Variants in NCAM2 observed in about 807,000 individuals in gnomAD.
The protein encoded by NCAM2 is neural cell adhesion molecule 2, also known as N-CAM-2.
NCAM2 carries 30 observed loss-of-function variants against 98.1 expected under a neutral mutation model. The ratio of observed to expected loss-of-function variants is 0.31; its 90% confidence interval spans 0.23 to 0.41. The LOEUF (loss-of-function observed/expected upper bound fraction) is 0.41. Ranked by LOEUF, NCAM2 falls within the 10% of genes least tolerant of loss-of-function variation. NCAM2 has a pLI of 1.00. For missense variants in NCAM2, 867 were observed against 1,005.8 expected (o/e 0.86, Z 1.87); for synonymous variants, 368 against 342.4 (o/e 1.07, Z -0.83).
At chr21:21,188,965 G>T (rs191406253) in intron 1 of NCAM2, among the ~76,000 whole-genome samples, 1 of 152,154 alleles carries the variant, frequency 6.6e-6, no homozygotes, top group Admixed American at 6.5e-5. Context: ...ATTAAATGGG[G>T]CAGGTGTCTT....
chr21:21,523,287 C>T (rs1452077115), intron 16 of NCAM2, among the ~76,000 whole-genome samples: 2 of 151,906 alleles, frequency 1.3e-5, no homozygotes, highest in Non-Finnish European at 2.9e-5. Flanking sequence ...TGAAGAATTT[C>T]CCCAACTTTT....
chr21:21,280,557 T>C (rs756295517), intron 1 of NCAM2, 21 bp from the exon 2 acceptor site: 2 of 1,548,036 alleles, frequency 1.3e-6, no homozygotes, highest in East Asian at 4.5e-5. Flanking sequence ...CACCATTAAT[T>C]GTTTCCCAAT....
chr21:21,438,421 C>G (rs1978712404), intron 12 of NCAM2, among the ~76,000 whole-genome samples: 1 of 152,124 alleles, frequency 6.6e-6, no homozygotes. Context: ...CAATGGAAGC[C>G]AGGCCTATTA....
intron 12 of NCAM2, among the ~76,000 whole-genome samples, chr21:21,437,296 T>G (rs574603071): frequency 5.8e-4 from 88 of 152,208 alleles, no homozygotes; most frequent in African/African-American, 2.0e-3. Flanking sequence ...CCAGAAGACT[T>G]TACTGTAATT....
At chr21:21,166,173 G>A (rs370782504) in intron 1 of NCAM2, among the ~76,000 whole-genome samples, 3 of 152,122 alleles carry the variant, frequency 2.0e-5, no homozygotes, top group African/African-American at 7.2e-5. Context: ...AACCTGGAGC[G>A]CCTTTAAGCA....
At chr21:21,050,774 T>TGATTATAAGATATAA (rs2065092941) in intron 1 of NCAM2, among the ~76,000 whole-genome samples, 1 of 152,184 alleles carries the variant, frequency 6.6e-6, no homozygotes, top group Non-Finnish European at 1.5e-5. Flanking sequence ...TACGCCTGCG[T>TGATTATAAGATATAA]GATTATAAGA....
chr21:21,440,237 C>T (rs1277284297), intron 12 of NCAM2, among the ~76,000 whole-genome samples: 1 of 152,110 alleles, frequency 6.6e-6, no homozygotes, highest in African/African-American at 2.4e-5. Context: ...TATTCAGACA[C>T]CCTTCACCCA....
intron 12 of NCAM2, among the ~76,000 whole-genome samples, 184 bp from the exon 13 acceptor site, chr21:21,466,422 C>A (rs1359990093): frequency 2.0e-5 from 3 of 151,904 alleles, no homozygotes; most frequent in Non-Finnish European, 2.9e-5. Context: ...AAGAAGAGAA[C>A]TATTCACAAA....
intron 1 of NCAM2, among the ~76,000 whole-genome samples, chr21:21,015,676 G>T (rs2064292911): frequency 1.3e-5 from 2 of 151,920 alleles, no homozygotes; most frequent in South Asian, 4.1e-4. Context: ...TCCAAGGTAT[G>T]CCTGTATTTC....
chr21:21,371,241 C>T (rs1007893493), intron 8 of NCAM2, among the ~76,000 whole-genome samples: 3 of 151,806 alleles, frequency 2.0e-5, no homozygotes, highest in African/African-American at 7.3e-5. Flanking sequence ...TACATTAAAA[C>T]AGTTTTGAGA....
intron 1 of NCAM2, among the ~76,000 whole-genome samples, chr21:21,039,918 G>C (rs2064870016): frequency 1.3e-5 from 2 of 152,154 alleles, no homozygotes; most frequent in South Asian, 2.1e-4. Context: ...AAACAGTTAG[G>C]AGTGTTTTTT....
intron 1 of NCAM2, among the ~76,000 whole-genome samples, chr21:21,231,446 T>C (rs1294192244): frequency 1.3e-5 from 2 of 151,276 alleles, no homozygotes; most frequent in African/African-American, 4.8e-5. Flanking sequence ...AAATTAAATA[T>C]AACTGCCAAA....
At chr21:21,363,496 AT>A (rs1417414991) in intron 8 of NCAM2, among the ~76,000 whole-genome samples, 1 of 152,110 alleles carries the variant, frequency 6.6e-6, no homozygotes, top group Non-Finnish European at 1.5e-5. Context: ...GTTTCTCATC[AT>A]TTTTATATCT....
intron 16 of NCAM2, among the ~76,000 whole-genome samples, chr21:21,511,654 T>C (rs1237203577): frequency 6.6e-6 from 1 of 152,008 alleles, no homozygotes; most frequent in African/African-American, 2.4e-5. Context: ...TTTTAGTTTT[T>C]TGAGGAAGCT....
Position 21,439,503 on chromosome 21 carries a change from TATTTC to T in NCAM2, c.1654+7224_1654+7228del, listed in dbSNP as rs1462090923. On this transcript the variant is annotated intron_variant, in intron 12 of 17. Coordinates refer to ENST00000400546, the MANE Select transcript of NCAM2 (RefSeq NM_004540.5). ...AAAAAATATTTGTGGTAGAGAAACT[TATTTC>T]AGTTTGGTAGAAAAGTAGTGCTTTC... is the stretch of plus-strand genomic sequence containing the variant. Among the ~76,000 whole-genome samples the T allele has an allele frequency of 2.6e-5, 4 of 152,326 alleles. No individual in the cohort carries two copies. The East Asian group carries it at 7.7e-4, about 29-fold the overall frequency.
chr21:21,164,435 T>C (rs2067886431), intron 1 of NCAM2, among the ~76,000 whole-genome samples: 1 of 152,158 alleles, frequency 6.6e-6, no homozygotes, highest in Non-Finnish European at 1.5e-5. Flanking sequence ...TTGCAAGATA[T>C]TTGCAAAGAA....
intron 7 of NCAM2, among the ~76,000 whole-genome samples, chr21:21,336,711 A>G (rs952374887): frequency 6.6e-6 from 1 of 152,184 alleles, no homozygotes; most frequent in African/African-American, 2.4e-5. Flanking sequence ...AGCTAGAGAG[A>G]TATTTATAAA....
At chr21:21,345,990 G>C (rs1276796082) in intron 8 of NCAM2, among the ~76,000 whole-genome samples, 2 of 151,900 alleles carry the variant, frequency 1.3e-5, no homozygotes, top group African/African-American at 4.8e-5. Context: ...AGGAAGAGAA[G>C]ACCACAGAAC....
chr21:21,521,336 A>G (rs988900057), intron 16 of NCAM2, among the ~76,000 whole-genome samples: 13 of 152,102 alleles, frequency 8.5e-5, no homozygotes, highest in African/African-American at 2.9e-4. Context: ...CTAAAGGCCT[A>G]TTGATTATAT....
Sources: allele counts gnomAD v4.1 joint callset (sites outside exome capture counted in the v4.1 genomes callset), GRCh38; gene constraint gnomAD v4.1.1; transcripts MANE v1.5; gene names NCBI Gene and HGNC (gene_info 2026-07-23, HGNC 2026-07-21).